Variants in ITPR2 observed in about 807,000 individuals in gnomAD.
ITPR2 encodes inositol 1,4,5-trisphosphate receptor type 2.
Under a neutral mutation model 317.1 loss-of-function variants are expected in ITPR2, and 207 were observed. The observed-to-expected ratio is 0.65, with a 90% CI of 0.58 to 0.73. ITPR2 has a LOEUF of 0.73. ITPR2 is among the 30% of genes least tolerant of loss of function. The pLI, the probability that ITPR2 is intolerant of heterozygous loss-of-function variation, is 0.00. For missense variants in ITPR2, 2,613 were observed against 3,284.0 expected, an observed-to-expected ratio of 0.80 and a Z score of 4.99; for synonymous variants, 1,156 against 1,149.1, an observed-to-expected ratio of 1.01 and a Z score of -0.12.
chr12:26,764,031 T>G (rs1592106021), intron 2 of ITPR2, among the ~76,000 whole-genome samples: 1 of 152,052 alleles, frequency 6.6e-6, no homozygotes, highest in South Asian at 2.1e-4. Context: ...ACAGAACAGA[T>G]AGCCCAGAAA....
In ITPR2 at chr12:26,494,355, A is replaced by G; in HGVS notation, c.5183-15T>C. The G allele has an allele frequency of 6.5e-7, 1 of 1,544,344 alleles. No homozygotes were observed. The highest frequency in any genetic ancestry group is 8.8e-7 in the Non-Finnish European group (1 of 1,132,704). On this transcript the variant is annotated splice_polypyrimidine_tract_variant and intron_variant, in intron 38 of 56. Transcript: ENST00000381340. The stretch of plus-strand genomic sequence containing the variant: ...AGAAAAGCTTCCTGTGATTGGGAAA[A>G]ATAAATAAATAAACCTTAATTGTAG...
At chr12:26,614,409 G>C (rs558148964) in intron 26 of ITPR2, among the ~76,000 whole-genome samples, 14 of 152,088 alleles carry the variant, frequency 9.2e-5, no homozygotes, top group African/African-American at 3.4e-4. Flanking sequence ...GGCTAGCAGC[G>C]CCCCCTGCCA....
intron 55 of ITPR2, among the ~76,000 whole-genome samples, chr12:26,348,893 C>T (rs1938390674): frequency 6.6e-6 from 1 of 151,976 alleles, no homozygotes; most frequent in Admixed American, 6.6e-5. Context: ...CATACCAAGA[C>T]CTCATCGCTA....
chr12:26,608,422 A>G (rs1487654021), intron 26 of ITPR2, among the ~76,000 whole-genome samples: 1 of 152,204 alleles, frequency 6.6e-6, no homozygotes, highest in Non-Finnish European at 1.5e-5. Context: ...CCGTCTGGGA[A>G]GTGAGGAGCA....
chr12:26,812,436 G>A (rs1159062573), intron 1 of ITPR2, among the ~76,000 whole-genome samples: 1 of 151,844 alleles, frequency 6.6e-6, no homozygotes, highest in South Asian at 2.1e-4. Context: ...CAAATTAGCC[G>A]GGCGTGGTGG....
intron 54 of ITPR2, among the ~76,000 whole-genome samples, chr12:26,393,660 CTTAGT>C (rs1939912290): frequency 6.6e-6 from 1 of 152,164 alleles, no homozygotes; most frequent in Non-Finnish European, 1.5e-5. Context: ...TAAATTTACA[CTTAGT>C]TTAAATTACT....
chr12:26,487,754 T>C (rs533820468), intron 39 of ITPR2, among the ~76,000 whole-genome samples: 34 of 152,284 alleles, frequency 2.2e-4, no homozygotes, highest in Non-Finnish European at 4.3e-4. Context: ...CATGAGTTTA[T>C]GGAAAGTTAC....
intron 10 of ITPR2, among the ~76,000 whole-genome samples, chr12:26,693,928 C>A (rs961100725): frequency 6.6e-6 from 1 of 152,112 alleles, no homozygotes; most frequent in African/African-American, 2.4e-5. Flanking sequence ...AGACGAACAT[C>A]TTCATCCCAT....
intron 6 of ITPR2, 39 bp downstream of exon 6, chr12:26,716,104 GA>G: frequency 7.5e-7 from 1 of 1,328,868 alleles, no homozygotes; most frequent in Non-Finnish European, 1.1e-6. Context: ...TGTCTCATGA[GA>G]AAAATGAACA....
intron 54 of ITPR2, among the ~76,000 whole-genome samples, chr12:26,395,593 A>AG (rs1939973570): frequency 2.2e-5 from 1 of 44,754 alleles, no homozygotes; most frequent in South Asian, 7.4e-4. Flanking sequence ...TATGACCGTG[A>AG]AAAAAAGGGC....
At chr12:26,341,718 T>A (rs1006544093) in intron 55 of ITPR2, among the ~76,000 whole-genome samples, 2 of 152,244 alleles carry the variant, frequency 1.3e-5, no homozygotes, top group East Asian at 1.9e-4. Context: ...TCCTTCAGCA[T>A]CTATTGTTAG....
chr12:26,753,482 C>G (rs535508796), intron 2 of ITPR2, among the ~76,000 whole-genome samples: 1 of 152,128 alleles, frequency 6.6e-6, no homozygotes, highest in South Asian at 2.1e-4. Context: ...TACCGACAAG[C>G]GGTCACCTGA....
chr12:26,563,246 GC>G (rs1432717906), intron 34 of ITPR2, among the ~76,000 whole-genome samples: 1 of 152,196 alleles, frequency 6.6e-6, no homozygotes, highest in Non-Finnish European at 1.5e-5. Flanking sequence ...GCAAAATGGA[GC>G]TTGAAGTAAT....
intron 2 of ITPR2, among the ~76,000 whole-genome samples, chr12:26,765,502 A>G (rs1949704646): frequency 2.0e-5 from 3 of 152,126 alleles, no homozygotes; most frequent in Admixed American, 6.5e-5. Flanking sequence ...TCTCTTAAAG[A>G]CTGTAATTTT....
Position 26,465,511 on chromosome 12 carries a change from T to C in ITPR2, c.6342+9785A>G, listed in dbSNP as rs146982024. Reference sequence around the variant, plus strand: ...GTTATGAGCCAGTGGGCTAGAGGTTTTTTTAAAGAAGCAGATTTGCATGCA... The same window carrying C: ...GTTATGAGCCAGTGGGCTAGAGGTTCTTTTAAAGAAGCAGATTTGCATGCA... On this transcript the variant is annotated intron_variant, in intron 45 of 56. Coordinates refer to ENST00000381340, the MANE Select transcript of ITPR2 (RefSeq NM_002223.4). Among the ~76,000 whole-genome samples the C allele has an allele frequency of 5.9e-4, 90 of 152,320 alleles. 1 individual carries two copies. The highest frequency in any genetic ancestry group is 6.8e-3 in the Middle Eastern group (2 of 294).
chr12:26,415,380 G>GA lies in ITPR2; in HGVS notation c.7228dup (p.Ser2410PhefsTer11). On this transcript the variant is annotated frameshift_variant, in exon 51 of 57. Transcript: ENST00000381340. LOFTEE classifies it high-confidence loss of function. ...CTTCAAAAAAAGGAACCCAATAATG[G>GA]AAAACAGGTAGACGAGGATGAGAGC... The GA allele has an allele frequency of 6.2e-7, 1 of 1,612,678 alleles. No homozygotes were observed. The highest frequency in any genetic ancestry group is 8.5e-7 in the Non-Finnish European group (1 of 1,179,246).
chr12:26,607,957 A>C (rs1488651616), intron 26 of ITPR2, among the ~76,000 whole-genome samples: 1 of 152,040 alleles, frequency 6.6e-6, no homozygotes, highest in African/African-American at 2.4e-5. Context: ...TTCTACTAAA[A>C]AAATACAAAA....
In ITPR2 at chr12:26,567,996, ATTATATATATTAT is replaced by A. The variant is rs1565609755; in HGVS notation, c.4631-6057_4631-6045del. 9.7e-4 allele frequency among the ~76,000 whole-genome samples: 5 copies of A among 5,144 alleles called. No individual in the cohort carries two copies. In the Non-Finnish European group the frequency reaches 0.01, roughly 11 times the overall value. 3.4% of individuals were successfully genotyped at this position (5,144 alleles called of 152,430 possible). A position where few individuals can be genotyped will look rare whatever the true frequency, so the allele number is the denominator to read the frequency against. On this transcript the variant is annotated intron_variant, in intron 34 of 56. Coordinates refer to ENST00000381340, the MANE Select transcript of ITPR2 (RefSeq NM_002223.4). Reference sequence around the variant, plus strand: ...ATATATATTATATATATATATATATATTATATATATTATATATATATATATATATATATATAAA... The same window carrying A: ...ATATATATTATATATATATATATATAATATATATATATATATATATATAAA...
intron 2 of ITPR2, among the ~76,000 whole-genome samples, chr12:26,744,600 C>T (rs1949288422): frequency 6.6e-6 from 1 of 152,184 alleles, no homozygotes; most frequent in South Asian, 2.1e-4. Flanking sequence ...TCAATGAACA[C>T]AGACATGAAC....
Sources: allele counts gnomAD v4.1 joint callset (sites outside exome capture counted in the v4.1 genomes callset), GRCh38; gene constraint gnomAD v4.1.1; transcripts MANE v1.5; gene names NCBI Gene and HGNC (gene_info 2026-07-23, HGNC 2026-07-21).